The following ART3 variants were observed in gnomAD, a reference collection of about 807,000 sequenced individuals.
The protein encoded by ART3 is ecto-ADP-ribosyltransferase 3.
In ART3, 49 loss-of-function variants were observed where a neutral mutation model predicts 48.5. That is an observed-to-expected ratio of 1.01 (90% confidence interval 0.80 to 1.28). ART3 has a LOEUF of 1.28. ART3 is among the 50% of genes most tolerant of loss of function. The pLI is 0.00. For synonymous variants in ART3, 145 were observed against 157.2 expected (o/e 0.92, Z 0.58); for missense variants, 438 against 454.3 (o/e 0.96, Z 0.33).
At chr4:76,034,553 T>C (rs1140834) in intron 1 of ART3, 13,022 of 520,614 alleles carry the variant, frequency 0.025, 698 homozygotes, top group African/African-American at 0.16. Context: ...CATTTAATTG[T>C]TGGACTCCTT....
intron 1 of ART3, chr4:76,022,258 A>G (rs1462575097): frequency 8.9e-6 from 8 of 901,650 alleles, no homozygotes; most frequent in Non-Finnish European, 1.5e-5. Context: ...TGGTGGTAAC[A>G]TACTTTTAAA....
At chr4:76,018,320 C>G (rs1434728559) in intron 1 of ART3, among the ~76,000 whole-genome samples, 1 of 152,162 alleles carries the variant, frequency 6.6e-6, no homozygotes, top group Non-Finnish European at 1.5e-5. Flanking sequence ...TTATCCTAAA[C>G]AAATTAACAC....
chr4:76,059,699 A>G (rs1560603886), intron 1 of ART3, among the ~76,000 whole-genome samples: 1 of 152,220 alleles, frequency 6.6e-6, no homozygotes, highest in African/African-American at 2.4e-5. Flanking sequence ...AATTAAAGTA[A>G]CAAGTGACTC....
At chr4:76,096,570 T>A (rs1349202300) in intron 3 of ART3, among the ~76,000 whole-genome samples, 1 of 152,244 alleles carries the variant, frequency 6.6e-6, no homozygotes, top group Non-Finnish European at 1.5e-5. Flanking sequence ...ACCTTTGTTA[T>A]GCATTCTGGT....
At chr4:76,092,029 A>G (rs1275918464) in intron 3 of ART3, among the ~76,000 whole-genome samples, 1 of 152,190 alleles carries the variant, frequency 6.6e-6, no homozygotes, top group Non-Finnish European at 1.5e-5. Flanking sequence ...TAGCTATATA[A>G]TAAACCTCAA....
intron 10 of ART3, among the ~76,000 whole-genome samples, chr4:76,107,029 A>G (rs535809012): frequency 1.3e-5 from 2 of 152,124 alleles, no homozygotes; most frequent in East Asian, 3.9e-4. Flanking sequence ...AATAGATTAC[A>G]TGAGACATTC....
chr4:76,069,065 G>T (rs1000779816), intron 1 of ART3, among the ~76,000 whole-genome samples: 2 of 152,178 alleles, frequency 1.3e-5, no homozygotes, highest in Admixed American at 6.5e-5. Flanking sequence ...ATGCTAAGAA[G>T]TTAGTCATAA....
chr4:76,052,714 C>CTTTTTTTT (rs10644249), intron 1 of ART3, among the ~76,000 whole-genome samples: 76 of 142,610 alleles, frequency 5.3e-4, no homozygotes, highest in African/African-American at 1.8e-3. Flanking sequence ...TTTCTTTTTT[C>CTTTTTTTT]CTTCTTTTTT....
intron 1 of ART3, chr4:76,036,853 A>G: frequency 8.5e-6 from 2 of 234,090 alleles, no homozygotes; most frequent in Middle Eastern, 1.8e-3. Context: ...TTTCTTGATG[A>G]ATTTGAGGGC....
At chr4:76,021,163 A>G (rs1266524849) in intron 1 of ART3, 2 of 152,292 alleles carry the variant, frequency 1.3e-5, no homozygotes, top group Non-Finnish European at 2.9e-5. Flanking sequence ...CAACATTTAG[A>G]TAGTCTTTCT....
chr4:76,035,071 C>T (rs142431385), intron 1 of ART3: 15 of 1,613,580 alleles, frequency 9.3e-6, no homozygotes, highest in African/African-American at 4.0e-5. Context: ...TTGCTTGCTT[C>T]GATTTGGGAT....
intron 1 of ART3, among the ~76,000 whole-genome samples, chr4:76,038,773 A>C (rs964787351): frequency 6.6e-6 from 1 of 152,120 alleles, no homozygotes; most frequent in Admixed American, 6.5e-5. Flanking sequence ...CCCAGGCTGG[A>C]GTGCAGTGGT....
At chr4:76,021,346 T>C (rs965094907) in intron 1 of ART3, 1 of 152,466 alleles carries the variant, frequency 6.6e-6, no homozygotes, top group South Asian at 2.1e-4. Flanking sequence ...ATATAGGAAA[T>C]ATATACATCT....
intron 1 of ART3, among the ~76,000 whole-genome samples, chr4:76,029,451 G>T (rs1216801551): frequency 6.6e-6 from 1 of 152,178 alleles, no homozygotes; most frequent in African/African-American, 2.4e-5. Context: ...TATGGTTTCA[G>T]TGTTATGTGA....
rs959457333 is a variant in ART3, at chr4:76,068,834, G to T, written c.-9-7047G>T. Among the ~76,000 whole-genome samples the T allele has an allele frequency of 2.0e-5, 3 of 152,106 alleles. No homozygotes were observed. In the East Asian group the frequency reaches 5.8e-4, roughly 29 times the overall value. On this transcript the variant is annotated intron_variant, in intron 1 of 9. Coordinates refer to the ART3 transcript ENST00000341029. ...ATTCATTCATGTAAAGTATTCACTTGTATGGGTTTTGTTTTTGTTTTTGTT... is the reference window on the plus strand; with the variant it reads ...ATTCATTCATGTAAAGTATTCACTTTTATGGGTTTTGTTTTTGTTTTTGTT...
intron 5 of ART3, chr4:76,099,430 TAAAG>T (rs1442661182): frequency 1.7e-5 from 3 of 181,808 alleles, no homozygotes; most frequent in Non-Finnish European, 3.5e-5. Context: ...AGGAAAAAAA[TAAAG>T]AACCTATTCT....
At chr4:76,053,167 T>C (rs886825887) in intron 1 of ART3, among the ~76,000 whole-genome samples, 30 of 152,354 alleles carry the variant, frequency 2.0e-4, no homozygotes, top group Non-Finnish European at 4.3e-4. Context: ...ATTTACTTTG[T>C]TTTTTAACTA....
intron 1 of ART3, among the ~76,000 whole-genome samples, chr4:76,020,867 G>C (rs754619848): frequency 1.5e-4 from 23 of 151,666 alleles, no homozygotes; most frequent in Non-Finnish European, 2.4e-4. Context: ...AAAAATAAGA[G>C]ATTAAAAAAA....
chr4:76,071,873 A>G (rs1411540094), upstream of ART3, among the ~76,000 whole-genome samples: 1 of 152,114 alleles, frequency 6.6e-6, no homozygotes, highest in Non-Finnish European at 1.5e-5. Flanking sequence ...TATTGCCTCA[A>G]TCTTCAAATT....
Sources: allele counts gnomAD v4.1 joint callset (sites outside exome capture counted in the v4.1 genomes callset), GRCh38; gene constraint gnomAD v4.1.1; transcripts MANE v1.5; gene names NCBI Gene and HGNC (gene_info 2026-07-23, HGNC 2026-07-21).